The following GABRB3 variants were observed in gnomAD, a reference collection of about 807,000 sequenced individuals.
GABRB3 encodes gamma-aminobutyric acid type A receptor subunit beta3.
A neutral mutation model predicts 52.1 loss-of-function variants in GABRB3; 14 were observed. The ratio of observed to expected loss-of-function variants is 0.27; its 90% confidence interval spans 0.18 to 0.42. The LOEUF (loss-of-function observed/expected upper bound fraction) is 0.42. Among genes scored for constraint, GABRB3 ranks in the 10% least tolerant of loss-of-function variants. The pLI is 1.00. For synonymous variants in GABRB3, 260 were observed against 232.3 expected (o/e 1.12, Z -1.08); for missense variants, 307 against 609.1 (o/e 0.50, Z 5.22).
At chr15:26,555,788 T>C (rs960904397) in intron 8 of GABRB3, among the ~76,000 whole-genome samples, 6 of 152,232 alleles carry the variant, frequency 3.9e-5, no homozygotes, top group Non-Finnish European at 5.9e-5. Context: ...TGAATATATA[T>C]TGAATTAATA....
intron 5 of GABRB3, 65 bp from the exon 6 acceptor site, chr15:26,580,521 A>G (rs1415636956): frequency 2.5e-6 from 4 of 1,598,538 alleles, no homozygotes; most frequent in Admixed American, 3.3e-5. Context: ...GGCTAAATAA[A>G]CTATCATTAA....
chr15:26,616,722 C>G (rs1892270808), intron 4 of GABRB3, among the ~76,000 whole-genome samples: 4 of 151,674 alleles, frequency 2.6e-5, no homozygotes, highest in Admixed American at 2.6e-4. Context: ...ATAAAGTTTA[C>G]TACTAAAGGC....
intron 3 of GABRB3, among the ~76,000 whole-genome samples, chr15:26,656,461 G>C (rs1887376461): frequency 6.6e-6 from 1 of 152,178 alleles, no homozygotes; most frequent in East Asian, 1.9e-4. Flanking sequence ...GCTAACATTT[G>C]TTCATTTTAC....
At chr15:26,718,371 G>A (rs995187062) in intron 3 of GABRB3, among the ~76,000 whole-genome samples, 11 of 152,084 alleles carry the variant, frequency 7.2e-5, no homozygotes, top group Admixed American at 6.6e-5. Flanking sequence ...CACCAAGCCC[G>A]GCTAATTTTG....
At chr15:26,711,761 T>C (rs1436761968) in intron 3 of GABRB3, among the ~76,000 whole-genome samples, 1 of 152,206 alleles carries the variant, frequency 6.6e-6, no homozygotes, top group Non-Finnish European at 1.5e-5. Flanking sequence ...GCCAGCAGCA[T>C]CAACCACCTG....
At chr15:26,560,099 AC>A (rs1297676264) in intron 8 of GABRB3, among the ~76,000 whole-genome samples, 1 of 151,882 alleles carries the variant, frequency 6.6e-6, no homozygotes, top group Non-Finnish European at 1.5e-5. Flanking sequence ...CACACTCTCC[AC>A]CCCAGCGTTT....
intron 4 of GABRB3, among the ~76,000 whole-genome samples, chr15:26,604,085 A>C (rs1305508112): frequency 6.6e-6 from 1 of 152,156 alleles, no homozygotes; most frequent in Non-Finnish European, 1.5e-5. Context: ...CAGGATACAA[A>C]ATCAACATAC....
In GABRB3 at chr15:26,556,430, G is replaced by A. The variant is rs143265848; in HGVS notation, c.1080+4502C>T. 5.2e-3 allele frequency among the ~76,000 whole-genome samples: 794 copies of A among 152,306 alleles called. 6 individuals are homozygous for A. The highest frequency in any genetic ancestry group is 0.018 in the African/African-American group (767 of 41,564). On this transcript the variant is annotated intron_variant, in intron 8 of 8. Transcript: ENST00000311550. The stretch of plus-strand genomic sequence containing the variant: ...AATCTTGCTCTTTAGTAAGAATGAT[G>A]TTGAGTCTGCAGCTCTGATTCCTTG...
At chr15:26,551,493 C>T (rs1012959383) in intron 8 of GABRB3, among the ~76,000 whole-genome samples, 4 of 152,188 alleles carry the variant, frequency 2.6e-5, no homozygotes, top group African/African-American at 9.7e-5. Flanking sequence ...GCTGGGCCTT[C>T]GCCTGCCCAG....
At chr15:26,606,820 A>AGATATATCTATCGATAGATATATT (rs1566770844) in intron 4 of GABRB3, among the ~76,000 whole-genome samples, 1 of 16,152 alleles carries the variant, frequency 6.2e-5, no homozygotes, top group African/African-American at 1.2e-4. Flanking sequence ...ATAGATAGAT[A>AGATATATCTATCGATAGATATATT]GATAGATAGA....
intron 3 of GABRB3, among the ~76,000 whole-genome samples, chr15:26,709,708 AG>A (rs1566814290): frequency 6.6e-6 from 1 of 151,806 alleles, no homozygotes; most frequent in Admixed American, 6.6e-5. Context: ...TAGTAGAGAC[AG>A]GGTTTCACCC....
At chr15:26,712,026 G>A (rs545197352) in intron 3 of GABRB3, among the ~76,000 whole-genome samples, 3 of 152,288 alleles carry the variant, frequency 2.0e-5, no homozygotes, top group Admixed American at 6.5e-5. Context: ...AGATGCAAGG[G>A]CAAGGACCCT....
rs763074599 is a variant in GABRB3, at chr15:26,621,569, T to C, written c.241-35A>G. 4 of 1,540,242 alleles carry C rather than the reference T, an allele frequency of 2.6e-6. No homozygotes were observed. ...AAAGAAAAGAAAGAAAGTTAGTTTG[T>C]ACCCAGCCACAGGTGTATTTCCTCC... On this transcript the variant is annotated intron_variant, in intron 3 of 8. Coordinates refer to ENST00000311550, the MANE Select transcript of GABRB3 (RefSeq NM_000814.6). The surrounding 1 kb of genome is among the most constrained non-coding windows in gnomAD (Gnocchi z 4.1).
intron 3 of GABRB3, among the ~76,000 whole-genome samples, chr15:26,758,825 A>T (rs1890732398): frequency 6.6e-6 from 1 of 152,242 alleles, no homozygotes; most frequent in African/African-American, 2.4e-5. Context: ...CCACCATTGT[A>T]GACAAATTAT....
intron 3 of GABRB3, among the ~76,000 whole-genome samples, chr15:26,689,664 T>G (rs1487795765): frequency 1.3e-5 from 2 of 152,026 alleles, no homozygotes; most frequent in Non-Finnish European, 2.9e-5. Context: ...CCCCTCACTG[T>G]GCATCCATGT....
chr15:26,606,812 A>AGATATATC (rs1891845528), intron 4 of GABRB3, among the ~76,000 whole-genome samples: 1 of 75,506 alleles, frequency 1.3e-5, no homozygotes, highest in Non-Finnish European at 3.0e-5. Flanking sequence ...ATCTATAGAT[A>AGATATATC]GATAGATAGA....
chr15:26,707,965 T>A (rs945913117), intron 3 of GABRB3, among the ~76,000 whole-genome samples: 10 of 152,180 alleles, frequency 6.6e-5, no homozygotes, highest in African/African-American at 1.9e-4. Flanking sequence ...CAATTGATCA[T>A]CCCCAACCCC....
At chr15:26,724,856 TC>T (rs1242985896) in intron 3 of GABRB3, among the ~76,000 whole-genome samples, 2 of 152,284 alleles carry the variant, frequency 1.3e-5, no homozygotes, top group East Asian at 3.9e-4. Flanking sequence ...AGTATCTGTT[TC>T]CAGCTTCTAA....
chr15:26,586,704 A>G (rs75947139), intron 4 of GABRB3, among the ~76,000 whole-genome samples: 104 of 102,288 alleles, frequency 1.0e-3, no homozygotes, highest in African/African-American at 2.8e-3. Flanking sequence ...AAAAAAAAAA[A>G]AGAGAGAGAG....
Sources: allele counts gnomAD v4.1 joint callset (sites outside exome capture counted in the v4.1 genomes callset), GRCh38; gene constraint gnomAD v4.1.1; non-coding constraint Gnocchi (gnomAD v3.1); transcripts MANE v1.5; gene names NCBI Gene and HGNC (gene_info 2026-07-23, HGNC 2026-07-21).